The following ADA2 variants were observed in gnomAD, a reference collection of about 807,000 sequenced individuals.
ADA2 encodes adenosine deaminase 2, also known as adenosine deaminase CECR1.
Under a neutral mutation model 44.2 loss-of-function variants are expected in ADA2, and 29 were observed. That is an observed-to-expected ratio of 0.66 (90% CI 0.49 to 0.89). The LOEUF is 0.89. ADA2 is among the 40% of genes least tolerant of loss of function. The pLI is 0.00. For missense variants in ADA2, 637 were observed against 644.8 expected (o/e 0.99, Z 0.13); for synonymous variants, 215 against 234.9 (o/e 0.92, Z 0.77).
rs182745874 is a variant in ADA2, at chr22:17,183,832, C to T, written c.1082-1071G>A. 2.5e-3 allele frequency among the ~76,000 whole-genome samples: 381 copies of T among 152,068 alleles called. 3 individuals are homozygous for T. The highest frequency in any genetic ancestry group is 8.7e-3 in the African/African-American group (360 of 41,504). ...TCTCTTATTGACAACATCAGTATAA[C>T]TACCTGTATGTGCTCACTTTAATTT... On this transcript the variant is annotated intron_variant, in intron 7 of 9. Coordinates refer to ENST00000399837, the MANE Select transcript of ADA2 (RefSeq NM_001282225.2).
chr22:17,184,516 A>G (rs777611275), intron 7 of ADA2, among the ~76,000 whole-genome samples: 5 of 152,136 alleles, frequency 3.3e-5, no homozygotes, highest in Non-Finnish European at 4.4e-5. Context: ...CACCCACACA[A>G]TGGGCATAGC....
At chr22:17,201,829 C>T (rs1032889035) in intron 4 of ADA2, among the ~76,000 whole-genome samples, 1 of 152,162 alleles carries the variant, frequency 6.6e-6, no homozygotes, top group African/African-American at 2.4e-5. Context: ...CTCAGTTATC[C>T]TTTGCTTCTG....
rs1465409480 is a variant in ADA2, at chr22:17,188,333, G to A, written c.1081+6C>T. 6.2e-7 allele frequency: 1 copy of A among 1,606,824 alleles called. No homozygotes were observed. The highest frequency in any genetic ancestry group is 1.3e-5 in the African/African-American group (1 of 74,840). On this transcript the variant is annotated splice_donor_region_variant and intron_variant, in intron 7 of 9. Coordinates refer to ENST00000399837, the MANE Select transcript of ADA2 (RefSeq NM_001282225.2). Reference sequence around the variant, plus strand: ...CGCTGCCTCTGCTCGCATCCCGCAGGCTCACCTGTTTCTCCGGCGTGGAAG... The same window carrying A: ...CGCTGCCTCTGCTCGCATCCCGCAGACTCACCTGTTTCTCCGGCGTGGAAG...
intron 2 of ADA2, among the ~76,000 whole-genome samples, chr22:17,208,551 C>T (rs966618851): frequency 1.3e-5 from 2 of 151,772 alleles, no homozygotes; most frequent in African/African-American, 4.8e-5. Context: ...ACCTGTAATC[C>T]CAGCACTTTG....
intron 5 of ADA2, among the ~76,000 whole-genome samples, chr22:17,190,467 G>T (rs148134621): frequency 3.9e-5 from 6 of 152,288 alleles, no homozygotes; most frequent in African/African-American, 1.4e-4. Flanking sequence ...CTGATGGGTC[G>T]GCTGGACCCA....
chr22:17,190,088 C>G, intron 5 of ADA2, 56 bp from the exon 6 acceptor site: 1 of 1,336,724 alleles, frequency 7.5e-7, no homozygotes, highest in Non-Finnish European at 1.1e-6. Context: ...AGAGCACAAA[C>G]CCCAGAGCAC....
chr22:17,187,445 T>G (rs1389764870), intron 7 of ADA2, among the ~76,000 whole-genome samples: 2 of 152,000 alleles, frequency 1.3e-5, no homozygotes, highest in African/African-American at 4.8e-5. Context: ...TGTACCATCA[T>G]GCCTGGCTAA....
intron 4 of ADA2, among the ~76,000 whole-genome samples, chr22:17,202,498 C>T (rs2062301833): frequency 6.6e-6 from 1 of 152,108 alleles, no homozygotes; most frequent in African/African-American, 2.4e-5. Flanking sequence ...AACTCCTGGC[C>T]TCAAGTGATC....
At position 17,180,223 on chromosome 22, in the gene ADA2, G is replaced by A. The variant is rs2123593569; in HGVS notation, c.*1260C>T. ...GGAAGAAAGGGGAGATCAGTGAGGAGGCTGTTGTCATAGCTCAGGCAGGAG... is the reference window on the plus strand; with the variant it reads ...GGAAGAAAGGGGAGATCAGTGAGGAAGCTGTTGTCATAGCTCAGGCAGGAG... On this transcript the variant is annotated 3_prime_UTR_variant, in exon 10 of 10. Coordinates refer to ENST00000399837, the MANE Select transcript of ADA2 (RefSeq NM_001282225.2). 5 of 152,536 alleles carry A rather than the reference G, an allele frequency of 3.3e-5. No individual in the cohort carries two copies. The South Asian group carries it at 1.0e-3, about 32-fold the overall frequency. The allele number at this position is 152,536 out of a possible 1,614,324, so 9.4% of individuals were successfully genotyped here.
At chr22:17,199,462 C>T (rs572953053) in intron 4 of ADA2, 1 of 582,422 alleles carries the variant, frequency 1.7e-6, no homozygotes, top group Admixed American at 3.1e-5. Context: ...CACGAAGATC[C>T]CAGGGTTCTG....
intron 6 of ADA2, chr22:17,188,868 A>AAAAAAAAAAAAAAAAAAAAAAAAAAAAAT: frequency 1.2e-5 from 1 of 81,180 alleles, no homozygotes; most frequent in Non-Finnish European, 2.7e-5. Flanking sequence ...AAGAGCAAAA[A>AAAAAAAAAAAAAAAAAAAAAAAAAAAAAT]ATATATATAT....
rs149466386 is a variant in ADA2 at position 17,209,406 on chromosome 22, T to C, written c.272A>G (p.His91Arg). The stretch of plus-strand genomic sequence containing the variant: ...AAACACTTGACTTCTCTCAATGAGA[T>C]GCTTGGCCTGGAAAAAGTGCATGCT... ...PPSMHFFQAK[H>R]LIERSQVFNI... is the part of the protein sequence containing the mutation. Residue 91 changes from histidine to arginine, a missense_variant, in exon 2 of 10, where the codon CAT (histidine) becomes CGT (arginine). Transcript: ENST00000399837. 5.8e-5 allele frequency: 93 copies of C among 1,614,028 alleles called. 2 individuals carry two copies. The highest frequency in any genetic ancestry group is 6.9e-5 in the Non-Finnish European group (82 of 1,180,044).
Position 17,209,479 on chromosome 22 carries a change from T to C in ADA2, c.199A>G (p.Lys67Glu). The C allele has an allele frequency of 6.2e-7, 1 of 1,614,176 alleles. No individual in the cohort carries two copies. The highest frequency in any genetic ancestry group is 8.5e-7 in the Non-Finnish European group (1 of 1,180,034). ...ELANERLMTLKIAEMKEAMRT... is the reference protein window; with the variant it reads ...ELANERLMTLEIAEMKEAMRT... ...ATGGCCTCCTTCATCTCAGCGATTT[T>C]GAGCGTCATGAGCCTCTCATTGGCC... The change falls in exon 2 of 10, where the codon AAA becomes GAA. Residue 67 changes from lysine to glutamate, a missense_variant. Lys to Glu is a moderately conservative substitution (Grantham distance 56). Coordinates refer to ENST00000399837, the MANE Select transcript of ADA2 (RefSeq NM_001282225.2).
Position 17,209,595 on chromosome 22 carries a change from A to G in ADA2, c.83T>C (p.Leu28Pro), listed in dbSNP as rs777404100. The G allele has an allele frequency of 8.1e-6, 13 of 1,614,034 alleles. No homozygotes were observed. Among genetic ancestry groups the G allele is most frequent in the Middle Eastern group, 1.6e-4 (1 of 6,076 alleles). Residue 28 changes from leucine (L) to proline (P), a missense_variant, in exon 2 of 10, where the codon CTA becomes CCA. Physicochemically the swap from Leu to Pro is moderately conservative, Grantham distance 98. Coordinates refer to ENST00000399837, the MANE Select transcript of ADA2 (RefSeq NM_001282225.2). ...ATGCGCCCGTGTTTCATCTATGGAT[A>G]GAGCTGAGCCGAAGAAAGACATTGC... ...AVAMSFFGSALSIDETRAHLL... is the reference protein window; with the variant it reads ...AVAMSFFGSAPSIDETRAHLL...
chr22:17,191,949 C>T, intron 4 of ADA2, 139 bp from the exon 5 acceptor site: 1 of 815,228 alleles, frequency 1.2e-6, no homozygotes, highest in Non-Finnish European at 1.9e-6. Flanking sequence ...TCCCAGCCAC[C>T]CTTGCCCAGC....
upstream of ADA2, among the ~76,000 whole-genome samples, chr22:17,220,203 G>A (rs1022225879): frequency 6.6e-6 from 1 of 152,074 alleles, no homozygotes; most frequent in African/African-American, 2.4e-5. Flanking sequence ...ATATGTTTTA[G>A]GGGGGAAATC....
At chr22:17,188,298 TG>T (rs1568971824) in intron 7 of ADA2, 40 bp downstream of exon 7, 1 of 1,476,908 alleles carries the variant, frequency 6.8e-7, no homozygotes, top group Admixed American at 1.7e-5. Context: ...GCTCTCCCAT[TG>T]ACCACCTCCG....
intron 1 of ADA2, chr22:17,214,299 G>A: frequency 3.4e-6 from 1 of 295,384 alleles, no homozygotes. Context: ...TTTCGAAGCT[G>A]TGTACCCTCA....
chr22:17,197,340 C>T (rs2062205814), intron 4 of ADA2, among the ~76,000 whole-genome samples: 1 of 150,664 alleles, frequency 6.6e-6, no homozygotes, highest in Non-Finnish European at 1.5e-5. Flanking sequence ...TGATCTTGAA[C>T]AGCCTTGAAT....
Sources: allele counts gnomAD v4.1 joint callset (sites outside exome capture counted in the v4.1 genomes callset), GRCh38; gene constraint gnomAD v4.1.1; transcripts MANE v1.5; gene names NCBI Gene and HGNC (gene_info 2026-07-23, HGNC 2026-07-21).